Variants in CCDC88C observed in about 807,000 individuals in gnomAD.
CCDC88C encodes the protein coiled-coil and HOOK domain protein 88C.
In CCDC88C, 131 loss-of-function variants were observed where a neutral mutation model predicts 198.8. The ratio of observed to expected loss-of-function variants is 0.66; its 90% CI spans 0.57 to 0.76. The LOEUF is 0.76. Ranked by LOEUF, CCDC88C falls within the 30% of genes least tolerant of loss-of-function variation. The pLI, the probability that CCDC88C is intolerant of heterozygous loss-of-function variation, is 0.00. For synonymous variants in CCDC88C, 1,166 were observed against 1,114.7 expected, an observed-to-expected ratio of 1.05 and a Z score of -0.92; for missense variants, 2,553 against 2,631.6, an observed-to-expected ratio of 0.97 and a Z score of 0.65.
intron 15 of CCDC88C, among the ~76,000 whole-genome samples, chr14:91,312,575 T>C (rs1891881085): frequency 6.6e-6 from 1 of 151,996 alleles, no homozygotes. Flanking sequence ...GGCCCAGCTA[T>C]GTGGGATGCT....
At chr14:91,312,244 C>T (rs549039121) in intron 15 of CCDC88C, among the ~76,000 whole-genome samples, 3 of 151,202 alleles carry the variant, frequency 2.0e-5, no homozygotes, top group South Asian at 2.1e-4. Flanking sequence ...CAAAAATTAG[C>T]GAGGCGTGAT....
chr14:91,308,794 TAAGCA>T (rs1404309702), intron 16 of CCDC88C, among the ~76,000 whole-genome samples: 1 of 152,198 alleles, frequency 6.6e-6, no homozygotes, highest in Non-Finnish European at 1.5e-5. Flanking sequence ...TCAGAAAGGT[TAAGCA>T]ATTTGCCCAA....
rs7160308 is a variant in CCDC88C at position 91,313,907 on chromosome 14, G to T, written c.1909C>A (p.Leu637Ile). The T allele has an allele frequency of 6.2e-7, 1 of 1,611,280 alleles. No individual in the cohort carries two copies. The highest frequency in any genetic ancestry group is 1.1e-5 in the South Asian group (1 of 91,014). The stretch of plus-strand genomic sequence containing the variant: ...CCGTTCTCCTCCTGGAGTCGCTGTA[G>T]CTCCCTCTCCAGCTTCTCTGCCCGC... ...GERAEKLERE[L>I]QRLQEENGRL... The change falls in exon 15 of 30, where the codon CTA becomes ATA. Residue 637 changes from leucine (L) to isoleucine (I), a missense_variant. By Grantham distance (5) the Leu-to-Ile change is conservative. Transcript: ENST00000389857. The surrounding 1 kb of genome is among the most constrained non-coding windows in gnomAD (Gnocchi z 5.2).
At chr14:91,400,663 T>C (rs941472161) in intron 3 of CCDC88C, among the ~76,000 whole-genome samples, 2 of 152,084 alleles carry the variant, frequency 1.3e-5, no homozygotes. Flanking sequence ...AAACACAACC[T>C]CAGGACCTCA....
chr14:91,360,430 T>C (rs1894259931), intron 3 of CCDC88C, among the ~76,000 whole-genome samples: 1 of 152,048 alleles, frequency 6.6e-6, no homozygotes, highest in Non-Finnish European at 1.5e-5. Context: ...GGGGAACAGA[T>C]GGAGATCCTG....
chr14:91,400,164 C>T (rs576278536), intron 3 of CCDC88C, among the ~76,000 whole-genome samples: 1 of 152,160 alleles, frequency 6.6e-6, no homozygotes, highest in Admixed American at 6.5e-5. Context: ...CCCCACAAAA[C>T]GTGAGCATCT....
intron 3 of CCDC88C, among the ~76,000 whole-genome samples, chr14:91,360,746 C>T (rs1190867219): frequency 6.6e-6 from 1 of 152,232 alleles, no homozygotes; most frequent in Non-Finnish European, 1.5e-5. Flanking sequence ...CTCTCCTCAG[C>T]GTGCCGGCTC....
chr14:91,393,057 C>G (rs993015535), intron 3 of CCDC88C, among the ~76,000 whole-genome samples: 3 of 152,192 alleles, frequency 2.0e-5, no homozygotes, highest in African/African-American at 7.2e-5. Flanking sequence ...AGTCCGCTCC[C>G]GGAAACGGCC....
chr14:91,407,134 A>T (rs1471706707), intron 3 of CCDC88C, among the ~76,000 whole-genome samples: 1 of 152,044 alleles, frequency 6.6e-6, no homozygotes, highest in Non-Finnish European at 1.5e-5. Flanking sequence ...CAGAAAACCC[A>T]GGCCATTGTC....
At chr14:91,365,915 A>G (rs1011393416) in intron 3 of CCDC88C, among the ~76,000 whole-genome samples, 6 of 152,200 alleles carry the variant, frequency 3.9e-5, no homozygotes, top group African/African-American at 1.4e-4. Flanking sequence ...AAAGGTGTAA[A>G]AAGATACATA....
In CCDC88C at chr14:91,338,522, C is replaced by T. The variant is rs772710955; in HGVS notation, c.858G>A (p.Gln286=). ...TAACTTTCTGCAGTTCCAGCACCAG[C>T]TGGTCCACCTCATGTCTGGTGTCCA... ...QLVDTRHEVD[Q]LVLELQKVKQ... Residue 286 remains glutamine (Q), a synonymous_variant, in exon 9 of 30, where the codon CAG becomes CAA. Coordinates refer to ENST00000389857, the MANE Select transcript of CCDC88C (RefSeq NM_001080414.4). This position sits in a 1 kb window ranked among gnomAD's most constrained non-coding sequence, Gnocchi z 4.8. 10 of 1,571,876 alleles carry T rather than the reference C, an allele frequency of 6.4e-6. No homozygotes were observed. Among genetic ancestry groups the T allele is most frequent in the Non-Finnish European group, 7.8e-6 (9 of 1,158,964 alleles).
At chr14:91,384,568 C>T (rs1484641414) in intron 3 of CCDC88C, 4 of 466,156 alleles carry the variant, frequency 8.6e-6, no homozygotes, top group Non-Finnish European at 1.7e-5. Context: ...AATAATAAAC[C>T]AAAAATTCTC....
chr14:91,295,506 G>A (rs1050490533), intron 22 of CCDC88C, among the ~76,000 whole-genome samples: 2 of 152,022 alleles, frequency 1.3e-5, no homozygotes, highest in Middle Eastern at 3.2e-3. Flanking sequence ...CTGTGTGGCC[G>A]GGGGGGCCCC....
intron 4 of CCDC88C, among the ~76,000 whole-genome samples, chr14:91,350,140 G>A (rs1893721086): frequency 6.6e-6 from 1 of 151,624 alleles, no homozygotes; most frequent in Non-Finnish European, 1.5e-5. Flanking sequence ...TTAAGCTGTA[G>A]TCATGCACAT....
intron 10 of CCDC88C, among the ~76,000 whole-genome samples, chr14:91,334,242 A>C (rs1892954537): frequency 6.6e-6 from 1 of 152,180 alleles, no homozygotes; most frequent in Admixed American, 6.5e-5. Context: ...ACCTCAATTC[A>C]CGGATGCATT....
chr14:91,402,140 G>A (rs953344711), intron 3 of CCDC88C, among the ~76,000 whole-genome samples: 6 of 152,076 alleles, frequency 3.9e-5, no homozygotes, highest in African/African-American at 1.4e-4. Context: ...GCCAGACGTG[G>A]TGGCGCACAC....
chr14:91,293,436 G>A (rs768958409), intron 23 of CCDC88C, among the ~76,000 whole-genome samples: 104 of 1,098 alleles, frequency 0.095, 9 homozygotes, highest in African/African-American at 0.13. Flanking sequence ...CCACCTTCCC[G>A]TCCTCACCTG....
intron 22 of CCDC88C, among the ~76,000 whole-genome samples, chr14:91,294,670 T>C (rs1890922354): frequency 1.3e-5 from 2 of 152,244 alleles, no homozygotes; most frequent in Non-Finnish European, 2.9e-5. Context: ...TTTGTTTGTT[T>C]TGAGATGGAG....
chr14:91,338,440 C>T lies in CCDC88C; in HGVS notation c.891+49G>A. ...ACCCTCCAGGCCCCGTTACTGGACA[C>T]TCCAGCCCTGCTACCCCCAGGACAC... is the stretch of plus-strand genomic sequence containing the variant. On this transcript the variant is annotated intron_variant, in intron 9 of 29. Transcript: ENST00000389857. The surrounding 1 kb of genome is among the most constrained non-coding windows in gnomAD (Gnocchi z 4.8). The T allele has an allele frequency of 1.3e-6, 2 of 1,492,680 alleles. No homozygotes were observed. The highest frequency in any genetic ancestry group is 1.8e-6 in the Non-Finnish European group (2 of 1,093,534). The allele number at this position is 1,492,680 out of a possible 1,614,324, so 92.5% of individuals were successfully genotyped here.
Sources: gnomAD v4.1 joint callset for allele counts (sites outside exome capture counted in the v4.1 genomes callset) on GRCh38, gnomAD v4.1.1 for gene constraint, Gnocchi (gnomAD v3.1) non-coding constraint, MANE v1.5 for transcripts, NCBI Gene and HGNC (gene_info 2026-07-23, HGNC 2026-07-21) for gene names.